SRGAP1: variants seen among roughly 807,000 people sequenced by gnomAD.
SRGAP1 encodes the protein SLIT-ROBO Rho GTPase-activating protein 1.
In SRGAP1, 43 loss-of-function variants were observed where a neutral mutation model predicts 121.9. That is an observed-to-expected ratio of 0.35 (90% CI 0.28 to 0.46). The LOEUF (loss-of-function observed/expected upper bound fraction) is 0.46. Among genes scored for constraint, SRGAP1 ranks in the 20% least tolerant of loss-of-function variants. The probability of loss-of-function intolerance (pLI) is 1.00; values close to 1 mark genes in which losing one functional copy is unlikely to be tolerated. For synonymous variants in SRGAP1, 447 were observed against 485.4 expected (o/e 0.92, Z 1.04); for missense variants, 1,102 against 1,350.9 (o/e 0.82, Z 2.89).
intron 2 of SRGAP1, among the ~76,000 whole-genome samples, chr12:63,984,582 A>G (rs2033362433): frequency 6.6e-6 from 1 of 152,190 alleles, no homozygotes. Flanking sequence ...GTTTATGGTC[A>G]TTGTAATTGA....
chr12:63,964,693 G>A (rs1187068561), intron 1 of SRGAP1, among the ~76,000 whole-genome samples: 1 of 152,172 alleles, frequency 6.6e-6, no homozygotes, highest in Admixed American at 6.5e-5. Flanking sequence ...GATGGCTTGA[G>A]AGTGTGTTCA....
intron 1 of SRGAP1, among the ~76,000 whole-genome samples, chr12:63,908,114 A>G (rs1166258212): frequency 6.6e-6 from 1 of 151,972 alleles, no homozygotes; most frequent in Non-Finnish European, 1.5e-5. Context: ...GATTAATTGT[A>G]GCTTCGTAGT....
intron 4 of SRGAP1, among the ~76,000 whole-genome samples, chr12:64,031,439 T>G (rs1392449242): frequency 1.3e-5 from 2 of 152,100 alleles, no homozygotes; most frequent in Non-Finnish European, 2.9e-5. Context: ...TTTGAAATCA[T>G]GGATTCAATA....
At chr12:63,955,534 C>T (rs2032437869) in intron 1 of SRGAP1, among the ~76,000 whole-genome samples, 1 of 151,874 alleles carries the variant, frequency 6.6e-6, no homozygotes, top group African/African-American at 2.4e-5. Flanking sequence ...TATAAATACC[C>T]ACTTGACTGA....
At chr12:63,956,902 A>G (rs1008865696) in intron 1 of SRGAP1, among the ~76,000 whole-genome samples, 1 of 152,120 alleles carries the variant, frequency 6.6e-6, no homozygotes, top group African/African-American at 2.4e-5. Context: ...ATCACTCTCC[A>G]TTCTGCCCTA....
intron 4 of SRGAP1, among the ~76,000 whole-genome samples, chr12:64,023,575 A>G (rs1013200820): frequency 1.5e-4 from 23 of 152,224 alleles, no homozygotes; most frequent in Admixed American, 6.5e-5. Flanking sequence ...AGCTAATTCT[A>G]ATCAAGATTA....
intron 6 of SRGAP1, among the ~76,000 whole-genome samples, chr12:64,060,107 G>A (rs1247052210): frequency 6.6e-6 from 1 of 150,784 alleles, no homozygotes; most frequent in Admixed American, 6.6e-5. Context: ...TCTGAAATAG[G>A]TCGGGGTGGA....
chr12:64,138,446 C>CTTTTTTTTTTTT (rs60769104), intron 21 of SRGAP1, among the ~76,000 whole-genome samples: 1 of 78,670 alleles, frequency 1.3e-5, no homozygotes, highest in African/African-American at 5.6e-5. Context: ...AATAAATTGA[C>CTTTTTTTTTTTT]TTTTTTTTTT....
At chr12:63,962,775 A>G (rs1467587158) in intron 1 of SRGAP1, among the ~76,000 whole-genome samples, 1 of 152,188 alleles carries the variant, frequency 6.6e-6, no homozygotes, top group Non-Finnish European at 1.5e-5. Flanking sequence ...ATTGTCCAAT[A>G]TGGCAGCTAC....
chr12:64,112,094 TAAAAG>T (rs2036439044), intron 17 of SRGAP1, 108 bp downstream of exon 17: 5 of 842,284 alleles, frequency 5.9e-6, no homozygotes, highest in Non-Finnish European at 9.1e-6. Context: ...GCTTCCAACT[TAAAAG>T]GAAGAAGCAG....
At chr12:63,998,564 G>A (rs568137231) in intron 3 of SRGAP1, among the ~76,000 whole-genome samples, 1 of 152,210 alleles carries the variant, frequency 6.6e-6, no homozygotes, top group African/African-American at 2.4e-5. Flanking sequence ...GAAATTCACC[G>A]GAAGGTTCAC....
At chr12:64,119,489 T>G (rs1430183217) in intron 18 of SRGAP1, among the ~76,000 whole-genome samples, 1 of 152,184 alleles carries the variant, frequency 6.6e-6, no homozygotes, top group Admixed American at 6.5e-5. Context: ...CGTTACAATA[T>G]TCAATATTCC....
chr12:63,889,279 C>T (rs552949689), intron 1 of SRGAP1, among the ~76,000 whole-genome samples: 10 of 152,134 alleles, frequency 6.6e-5, no homozygotes, highest in Middle Eastern at 3.2e-3. Context: ...CATTTGCTGT[C>T]CCTGAAGGTT....
At chr12:64,047,504 A>G (rs916213693) in intron 6 of SRGAP1, among the ~76,000 whole-genome samples, 1 of 152,204 alleles carries the variant, frequency 6.6e-6, no homozygotes, top group Non-Finnish European at 1.5e-5. Flanking sequence ...CCGGTGAGAA[A>G]AAGTCAAGAC....
At chr12:63,939,996 C>G (rs1217288415) in intron 1 of SRGAP1, among the ~76,000 whole-genome samples, 1 of 151,792 alleles carries the variant, frequency 6.6e-6, no homozygotes, top group Non-Finnish European at 1.5e-5. Context: ...GTCTCTCTCT[C>G]TGTCGCCCAG....
chr12:64,120,683 G>A (rs1018371090), intron 18 of SRGAP1, among the ~76,000 whole-genome samples: 2 of 152,056 alleles, frequency 1.3e-5, no homozygotes, highest in Non-Finnish European at 2.9e-5. Context: ...GGGAGGAGGG[G>A]AAGAGGCTTA....
At chr12:64,020,530 C>T (rs1388414713) in intron 4 of SRGAP1, among the ~76,000 whole-genome samples, 2 of 152,136 alleles carry the variant, frequency 1.3e-5, no homozygotes, top group African/African-American at 2.4e-5. Context: ...CTACAAAAGA[C>T]AGCCAGAGCA....
intron 10 of SRGAP1, among the ~76,000 whole-genome samples, chr12:64,086,735 A>AC (rs1459429780): frequency 6.6e-6 from 1 of 151,782 alleles, no homozygotes; most frequent in Non-Finnish European, 1.5e-5. Context: ...AAAAAAAAAA[A>AC]AAAAAAACAC....
chr12:64,138,820 G>C (rs1032032130), intron 21 of SRGAP1, among the ~76,000 whole-genome samples: 1 of 152,098 alleles, frequency 6.6e-6, no homozygotes, highest in African/African-American at 2.4e-5. Flanking sequence ...AATTAAAAAT[G>C]CATGTTGATA....
Sources: allele counts gnomAD v4.1 joint callset (sites outside exome capture counted in the v4.1 genomes callset), GRCh38; gene constraint gnomAD v4.1.1; transcripts MANE v1.5; gene names NCBI Gene and HGNC (gene_info 2026-07-23, HGNC 2026-07-21).